Variants in TUT4 observed in about 807,000 individuals in gnomAD.
The protein encoded by TUT4 is terminal uridylyltransferase 4.
Under a neutral mutation model 192.2 loss-of-function variants are expected in TUT4, and 36 were observed. That is an observed-to-expected ratio of 0.19 (90% confidence interval 0.14 to 0.25). TUT4 has a LOEUF of 0.25. TUT4 is among the 10% of genes least tolerant of loss of function. The probability of loss-of-function intolerance (pLI) is 1.00; values close to 1 mark genes in which losing one functional copy is unlikely to be tolerated. For synonymous variants in TUT4, 618 were observed against 666.0 expected, an observed-to-expected ratio of 0.93 and a Z score of 1.11; for missense variants, 1,493 against 1,957.2, an observed-to-expected ratio of 0.76 and a Z score of 4.47.
intron 7 of TUT4, 52 bp from the exon 8 acceptor site, chr1:52,490,853 C>G (rs1670979830): frequency 2.9e-6 from 4 of 1,374,022 alleles, no homozygotes; most frequent in Non-Finnish European, 4.1e-6. Context: ...AAAATACGTA[C>G]TCTACAGTAA....
intron 2 of TUT4, among the ~76,000 whole-genome samples, chr1:52,516,306 T>C (rs1417958561): frequency 6.6e-6 from 1 of 152,112 alleles, no homozygotes; most frequent in African/African-American, 2.4e-5. Context: ...AAGAGATACA[T>C]AACTGAGACT....
At position 52,456,411 on chromosome 1, in the gene TUT4, C is replaced by CAAAAA. The variant is rs1157223640; in HGVS notation, c.3435+1920_3435+1924dup. 4.5e-3 allele frequency among the ~76,000 whole-genome samples: 54 copies of CAAAAA among 11,948 alleles called. 1 individual carries two copies. The highest frequency in any genetic ancestry group is 7.9e-3 in the Non-Finnish European group (36 of 4,570). 7.8% of individuals were successfully genotyped at this position (11,948 alleles called of 152,430 possible). A position where few individuals can be genotyped will look rare whatever the true frequency, so the allele number is the denominator to read the frequency against. On this transcript the variant is annotated intron_variant, in intron 20 of 29. Transcript: ENST00000257177. The stretch of plus-strand genomic sequence containing the variant: ...TGGGCAACAGAGCGAGACTGTGTCT[C>CAAAAA]AAAAAAAAAAAAAAAAAAAAAAAAA...
intron 24 of TUT4, among the ~76,000 whole-genome samples, chr1:52,439,539 A>C (rs1288066671): frequency 6.6e-6 from 1 of 152,240 alleles, no homozygotes; most frequent in Non-Finnish European, 1.5e-5. Flanking sequence ...GAACATGTCC[A>C]CTTAGGTGTT....
intron 27 of TUT4, chr1:52,434,844 AAAAAG>A (rs1423475687): frequency 6.6e-6 from 1 of 152,222 alleles, no homozygotes; most frequent in South Asian, 2.1e-4. Context: ...CATCTTAAAA[AAAAAG>A]AAAAGATAGT....
intron 3 of TUT4, chr1:52,515,169 T>C (rs1038064930): frequency 4.6e-5 from 7 of 152,236 alleles, no homozygotes; most frequent in Admixed American, 2.6e-4. Context: ...TACACAGGAA[T>C]AAGATACCAA....
At chr1:52,507,853 C>T (rs1203852441) in intron 4 of TUT4, among the ~76,000 whole-genome samples, 1 of 152,058 alleles carries the variant, frequency 6.6e-6, no homozygotes, top group Non-Finnish European at 1.5e-5. Context: ...CTCCCTCGCC[C>T]AGACTAAAGT....
In TUT4 at chr1:52,446,008, C is replaced by A; in HGVS notation, c.3692-4G>T. 1 of 1,600,412 alleles carries A rather than the reference C, an allele frequency of 6.2e-7. No individual in the cohort carries two copies. The highest frequency in any genetic ancestry group is 8.5e-7 in the Non-Finnish European group (1 of 1,176,128). ...TTATGATTCAAGTCAAAAGGGTCTA[C>A]AAAAGAAATATATCAATGATTAAGA... On this transcript the variant is annotated splice_region_variant and splice_polypyrimidine_tract_variant and intron_variant, in intron 22 of 29. Transcript: ENST00000257177.
chr1:52,467,915 C>T (rs937078667), intron 15 of TUT4, among the ~76,000 whole-genome samples: 3 of 152,144 alleles, frequency 2.0e-5, no homozygotes, highest in Non-Finnish European at 2.9e-5. Flanking sequence ...TATCATAACA[C>T]TCCATCACTT....
chr1:52,486,620 T>C (rs2149030910), intron 9 of TUT4, among the ~76,000 whole-genome samples: 1 of 152,304 alleles, frequency 6.6e-6, no homozygotes, highest in Non-Finnish European at 1.5e-5. Context: ...TCTAAGTTTC[T>C]TAAGAAAATG....
chr1:52,451,168 A>C (rs183015922), intron 20 of TUT4, among the ~76,000 whole-genome samples: 2,032 of 152,056 alleles, frequency 0.013, 46 homozygotes, highest in African/African-American at 0.047. Flanking sequence ...CGGGAGGCTG[A>C]GGCAGGAGAA....
intron 20 of TUT4, among the ~76,000 whole-genome samples, chr1:52,453,890 C>T (rs1332305124): frequency 6.6e-6 from 1 of 152,094 alleles, no homozygotes; most frequent in Non-Finnish European, 1.5e-5. Flanking sequence ...GTTTACAAGA[C>T]ACAAGATTAA....
chr1:52,526,884 G>C (rs557621720), intron 1 of TUT4, among the ~76,000 whole-genome samples: 6 of 152,194 alleles, frequency 3.9e-5, no homozygotes, highest in African/African-American at 1.4e-4. Flanking sequence ...AATTAGCCAG[G>C]CATGGTGGCG....
At chr1:52,507,920 TATACCTC>T (rs1176106526) in intron 4 of TUT4, among the ~76,000 whole-genome samples, 1 of 152,044 alleles carries the variant, frequency 6.6e-6, no homozygotes, top group African/African-American at 2.4e-5. Context: ...AAACAATTCT[TATACCTC>T]AGCCTCCCAA....
intron 13 of TUT4, among the ~76,000 whole-genome samples, chr1:52,474,531 G>A (rs1421837183): frequency 6.6e-6 from 1 of 151,890 alleles, no homozygotes; most frequent in Non-Finnish European, 1.5e-5. Flanking sequence ...TACAAAATAA[G>A]CAACATTTAA....
intron 13 of TUT4, 128 bp from the exon 14 acceptor site, chr1:52,472,230 A>T: frequency 6.6e-6 from 6 of 904,408 alleles, no homozygotes; most frequent in Non-Finnish European, 7.9e-6. Context: ...GAGGTAATTA[A>T]AAAAAAAAAC....
In TUT4 at chr1:52,423,654, TAAAA is replaced by T. The variant is rs1648799675; in HGVS notation, c.*277_*280del. 3 of 520,108 alleles carry T rather than the reference TAAAA, an allele frequency of 5.8e-6. No individual in the cohort carries two copies. Among genetic ancestry groups the T allele is most frequent in the Non-Finnish European group, 6.4e-6 (2 of 310,884 alleles). 32.2% of individuals were successfully genotyped at this position (520,108 alleles called of 1,614,324 possible). A position where few individuals can be genotyped will look rare whatever the true frequency, so the allele number is the denominator to read the frequency against. On this transcript the variant is annotated 3_prime_UTR_variant, in exon 30 of 30. Coordinates refer to ENST00000257177, the MANE Select transcript of TUT4 (RefSeq NM_001009881.3). Reference sequence around the variant, plus strand: ...TAAAATTCCCTTAAAAATAGGGTAATAAAATAGATGAAATTTGTATCACTCAATT... The same window carrying T: ...TAAAATTCCCTTAAAAATAGGGTAATTAGATGAAATTTGTATCACTCAATT...
At chr1:52,516,169 C>T in intron 2 of TUT4, 115 bp from the exon 3 acceptor site, 2 of 871,002 alleles carry the variant, frequency 2.3e-6, no homozygotes, top group Non-Finnish European at 3.5e-6. Flanking sequence ...CTTATATTTT[C>T]CTTAGGAAAG....
chr1:52,515,734 A>C, intron 3 of TUT4, 157 bp downstream of exon 3: 1 of 809,698 alleles, frequency 1.2e-6, no homozygotes, highest in Non-Finnish European at 2.0e-6. Context: ...AAGGAAGAAA[A>C]GAGGGAAAGA....
chr1:52,448,588 CAAAAAAA>C lies in TUT4; in HGVS notation c.3436-1928_3436-1922del, dbSNP rs1190767355. Among the ~76,000 whole-genome samples, 29 of 40,804 alleles carry C rather than the reference CAAAAAAA, an allele frequency of 7.1e-4. No individual in the cohort carries two copies. The South Asian group carries it at 0.016, about 23-fold the overall frequency. The allele number at this position is 40,804 out of a possible 152,430, so 26.8% of individuals were successfully genotyped here. A position where few individuals can be genotyped will look rare whatever the true frequency, so the allele number is the denominator to read the frequency against. The stretch of plus-strand genomic sequence containing the variant: ...TGGGTGACTAAGCGAGATTCTGTCT[CAAAAAAA>C]AAAAAAAAAAAAAAAAAAGAGGCAA... On this transcript the variant is annotated intron_variant, in intron 20 of 29. Transcript: ENST00000257177.
Sources: gnomAD v4.1 joint callset for allele counts (sites outside exome capture counted in the v4.1 genomes callset) on GRCh38, gnomAD v4.1.1 for gene constraint, MANE v1.5 for transcripts, NCBI Gene and HGNC (gene_info 2026-07-23, HGNC 2026-07-21) for gene names.